The following FHIP1A variants were observed in gnomAD, a reference collection of about 807,000 sequenced individuals.
FHIP1A encodes FHF complex subunit HOOK interacting protein 1A.
In FHIP1A, 61 loss-of-function variants were observed where a neutral mutation model predicts 88.6. The ratio of observed to expected loss-of-function variants is 0.69; its 90% CI spans 0.56 to 0.85. FHIP1A has a LOEUF of 0.85. FHIP1A is among the 40% of genes least tolerant of loss of function. The pLI is 0.00. For missense variants in FHIP1A, 1,154 were observed against 1,273.5 expected (o/e 0.91, Z 1.43); for synonymous variants, 478 against 496.0 (o/e 0.96, Z 0.48).
intron 3 of FHIP1A, among the ~76,000 whole-genome samples, chr4:151,503,489 CAGTT>C (rs896881410): frequency 3.9e-5 from 6 of 151,962 alleles, no homozygotes; most frequent in African/African-American, 1.5e-4. Context: ...TCCAAGCACA[CAGTT>C]AGATAAGCTT....
chr4:151,635,976 A>G (rs551512365), intron 8 of FHIP1A, among the ~76,000 whole-genome samples: 1 of 152,116 alleles, frequency 6.6e-6, no homozygotes, highest in South Asian at 2.1e-4. Context: ...AACTCATTCT[A>G]TGAAGCCAGT....
At chr4:151,548,855 A>C (rs1211074020) in intron 3 of FHIP1A, among the ~76,000 whole-genome samples, 9 of 152,232 alleles carry the variant, frequency 5.9e-5, no homozygotes, top group Admixed American at 5.9e-4. Flanking sequence ...GGTGCTGTAA[A>C]GAAATAGCAC....
intron 3 of FHIP1A, among the ~76,000 whole-genome samples, chr4:151,517,015 C>A (rs540261574): frequency 6.6e-6 from 1 of 152,054 alleles, no homozygotes; most frequent in African/African-American, 2.4e-5. Context: ...ATGTTTATTG[C>A]GGCACTATTC....
chr4:151,510,588 C>G (rs1234792537), intron 3 of FHIP1A, among the ~76,000 whole-genome samples: 1 of 152,170 alleles, frequency 6.6e-6, no homozygotes, highest in Non-Finnish European at 1.5e-5. Flanking sequence ...TTTTTTGAAC[C>G]TCATCTGTCC....
At chr4:151,638,615 C>A in intron 8 of FHIP1A, 62 bp from the exon 9 acceptor site, 2 of 953,826 alleles carry the variant, frequency 2.1e-6, no homozygotes, top group Non-Finnish European at 3.2e-6. Context: ...TATTTACTAT[C>A]TGTGGGGAGT....
chr4:151,592,117 C>G (rs1034193317), intron 7 of FHIP1A, among the ~76,000 whole-genome samples: 1 of 152,102 alleles, frequency 6.6e-6, no homozygotes, highest in Non-Finnish European at 1.5e-5. Context: ...TCCACATCCT[C>G]TCCAGCATCT....
At chr4:151,643,351 T>C (rs1736664416) in intron 9 of FHIP1A, among the ~76,000 whole-genome samples, 1 of 152,194 alleles carries the variant, frequency 6.6e-6, no homozygotes, top group Admixed American at 6.5e-5. Flanking sequence ...GTTGCACATA[T>C]TTTTGGGGTA....
chr4:151,569,881 G>A (rs928529439), intron 4 of FHIP1A, among the ~76,000 whole-genome samples: 2 of 152,092 alleles, frequency 1.3e-5, no homozygotes, highest in African/African-American at 4.8e-5. Flanking sequence ...CTGCTTCTGG[G>A]TCCAGTGATC....
intron 7 of FHIP1A, among the ~76,000 whole-genome samples, chr4:151,599,663 G>C (rs1358539727): frequency 6.6e-6 from 1 of 152,222 alleles, no homozygotes. Context: ...GGAACAACCT[G>C]TAGGAAGTGT....
intron 3 of FHIP1A, among the ~76,000 whole-genome samples, chr4:151,489,156 G>A (rs1730189963): frequency 6.6e-6 from 1 of 152,142 alleles, no homozygotes; most frequent in Non-Finnish European, 1.5e-5. Flanking sequence ...ATCCCACTGG[G>A]AACCTGAAAA....
chr4:151,435,973 C>A (rs2126549182), intron 1 of FHIP1A, among the ~76,000 whole-genome samples: 1 of 152,152 alleles, frequency 6.6e-6, no homozygotes, highest in Non-Finnish European at 1.5e-5. Context: ...CATCACAATG[C>A]TTTTGTGATT....
chr4:151,468,284 C>CAAAAAAAA (rs921242622), intron 2 of FHIP1A, among the ~76,000 whole-genome samples: 1 of 38,318 alleles, frequency 2.6e-5, no homozygotes, highest in Non-Finnish European at 5.5e-5. Flanking sequence ...GACTCCATCT[C>CAAAAAAAA]AAAAAAAAAA....
chr4:151,496,244 TA>T lies in FHIP1A; in HGVS notation c.-123+13597del, dbSNP rs202040536. Among the ~76,000 whole-genome samples the T allele has an allele frequency of 7.6e-4, 113 of 148,718 alleles. No homozygotes were observed. The East Asian group carries it at 0.02, about 26-fold the overall frequency. ...AAATAAACAAAAGATTATATATATA[TA>T]TTTTTATATATATATATTTTTTCTT... On this transcript the variant is annotated intron_variant, in intron 3 of 13. Transcript: ENST00000435205.
chr4:151,578,364 T>C (rs1183611684), intron 5 of FHIP1A, among the ~76,000 whole-genome samples: 1 of 152,236 alleles, frequency 6.6e-6, no homozygotes, highest in Non-Finnish European at 1.5e-5. Context: ...TCCAGGAGCA[T>C]ATCCTGAGAG....
intron 9 of FHIP1A, among the ~76,000 whole-genome samples, chr4:151,643,060 A>G (rs912102994): frequency 3.3e-5 from 5 of 152,062 alleles, no homozygotes; most frequent in African/African-American, 1.2e-4. Context: ...TTCTCAAACA[A>G]AATACATATA....
intron 3 of FHIP1A, among the ~76,000 whole-genome samples, chr4:151,493,544 C>T (rs1730356285): frequency 6.6e-6 from 1 of 152,094 alleles, no homozygotes; most frequent in Non-Finnish European, 1.5e-5. Flanking sequence ...AGACCAATAT[C>T]CCTGATTAAC....
At chr4:151,559,298 CT>C (rs544105813) in intron 3 of FHIP1A, among the ~76,000 whole-genome samples, 7 of 152,090 alleles carry the variant, frequency 4.6e-5, no homozygotes, top group Non-Finnish European at 8.8e-5. Context: ...TGTTCTTTTG[CT>C]TTTATTTTGT....
intron 3 of FHIP1A, among the ~76,000 whole-genome samples, chr4:151,536,122 A>G (rs757805796): frequency 2.0e-5 from 3 of 152,098 alleles, no homozygotes; most frequent in Non-Finnish European, 4.4e-5. Context: ...TTTCCCCCCA[A>G]TAAAAATGTT....
intron 5 of FHIP1A, among the ~76,000 whole-genome samples, chr4:151,578,614 T>G (rs779338999): frequency 2.6e-5 from 4 of 152,200 alleles, no homozygotes; most frequent in Non-Finnish European, 5.9e-5. Flanking sequence ...TGGCAAGATG[T>G]GGAGGAGTAG....
Sources: allele counts gnomAD v4.1 joint callset (sites outside exome capture counted in the v4.1 genomes callset), GRCh38; gene constraint gnomAD v4.1.1; transcripts MANE v1.5; gene names NCBI Gene and HGNC (gene_info 2026-07-23, HGNC 2026-07-21).